RFX8: variants seen among roughly 807,000 people sequenced by gnomAD.
RFX8 encodes DNA-binding protein RFX8.
In RFX8, 46 loss-of-function variants were observed where a neutral mutation model predicts 54.6. The ratio of observed to expected loss-of-function variants is 0.84; its 90% CI spans 0.67 to 1.08. RFX8 has a LOEUF of 1.08. RFX8 is among the 50% of genes least tolerant of loss of function. RFX8 has a pLI of 0.00. For missense variants in RFX8, 536 were observed against 562.3 expected, an observed-to-expected ratio of 0.95 and a Z score of 0.47; for synonymous variants, 192 against 209.5, an observed-to-expected ratio of 0.92 and a Z score of 0.72.
At chr2:101,402,272 A>G (rs1288276838) in intron 11 of RFX8, among the ~76,000 whole-genome samples, 164 bp downstream of exon 11, 3 of 152,260 alleles carry the variant, frequency 2.0e-5, no homozygotes, top group African/African-American at 7.2e-5. Context: ...AGTAATCAAC[A>G]GATAGTGAAT....
intron 2 of RFX8, among the ~76,000 whole-genome samples, chr2:101,424,976 T>A (rs1687093627): frequency 6.6e-6 from 1 of 151,946 alleles, no homozygotes; most frequent in African/African-American, 2.4e-5. Context: ...GTAACAAACC[T>A]GCACGTTGTG....
At chr2:101,426,872 A>AC (rs1247946407) in intron 2 of RFX8, among the ~76,000 whole-genome samples, 4 of 151,958 alleles carry the variant, frequency 2.6e-5, no homozygotes, top group African/African-American at 4.8e-5. Flanking sequence ...CAGAATTATC[A>AC]CCCCCCAAAG....
intron 4 of RFX8, among the ~76,000 whole-genome samples, chr2:101,419,283 G>C (rs1275759808): frequency 6.6e-6 from 1 of 152,140 alleles, no homozygotes; most frequent in African/African-American, 2.4e-5. Flanking sequence ...TGGGCCACAG[G>C]GCACAGCCCA....
At position 101,421,790 on chromosome 2, in the gene RFX8, T is replaced by C; in HGVS notation, c.184-13A>G. 2.6e-6 allele frequency: 4 copies of C among 1,542,522 alleles called. No homozygotes were observed. The highest frequency in any genetic ancestry group is 3.5e-6 in the Non-Finnish European group (4 of 1,140,172). ...CAAGGAAGGCCATCTAGGAAGAATA[T>C]GGAAAATTATTTCAGCATGTGGGCC... is the stretch of plus-strand genomic sequence containing the variant. On this transcript the variant is annotated splice_polypyrimidine_tract_variant and intron_variant, in intron 3 of 11. Coordinates refer to ENST00000428343, the MANE Select transcript of RFX8 (RefSeq NM_001145664.2).
intron 8 of RFX8, among the ~76,000 whole-genome samples, chr2:101,411,496 G>A (rs1267460341): frequency 1.1e-4 from 1 of 9,336 alleles, no homozygotes; most frequent in African/African-American, 2.6e-4. Context: ...AAGGCACCGG[G>A]CGGGGGAGGG....
At chr2:101,437,409 C>CA (rs966596460) in intron 2 of RFX8, among the ~76,000 whole-genome samples, 8 of 151,854 alleles carry the variant, frequency 5.3e-5, no homozygotes, top group Non-Finnish European at 1.0e-4. Context: ...CCTGTCTCTA[C>CA]AAAAAAACAA....
chr2:101,452,332 T>C, intron 2 of RFX8: 2 of 1,018,670 alleles, frequency 2.0e-6, no homozygotes, highest in South Asian at 1.6e-5. Context: ...ATTTTGTGAT[T>C]TTCCAAATCC....
chr2:101,455,095 C>T (rs1218276462), intron 2 of RFX8, among the ~76,000 whole-genome samples: 3 of 150,780 alleles, frequency 2.0e-5, no homozygotes, highest in Non-Finnish European at 4.4e-5. Flanking sequence ...ATTGCTACCT[C>T]CGCCTCCCAG....
At chr2:101,439,055 C>T (rs566845101) in intron 2 of RFX8, among the ~76,000 whole-genome samples, 1 of 152,092 alleles carries the variant, frequency 6.6e-6, no homozygotes, top group Non-Finnish European at 1.5e-5. Flanking sequence ...TCAGGTGATC[C>T]ACCTGCCTCA....
In RFX8 at chr2:101,406,038, T is replaced by C. The variant is rs1573352106; in HGVS notation, c.833A>G (p.Glu278Gly). 6.5e-7 allele frequency: 1 copy of C among 1,544,968 alleles called. No homozygotes were observed. The highest frequency in any genetic ancestry group is 2.5e-5 in the East Asian group (1 of 40,746). The change falls in exon 10 of 12, where the codon GAG (glutamate) becomes GGG (glycine). Residue 278 changes from glutamate to glycine, a missense_variant. Physicochemically the swap from Glu to Gly is moderately conservative, Grantham distance 98 (BLOSUM62 -2). Coordinates refer to ENST00000428343, the MANE Select transcript of RFX8 (RefSeq NM_001145664.2). ...GAAGCTGGCGGCCAATTTGGTAAAC[T>C]CTTCTTTGCTTCTGCTTGTCTGTTA... ...FVFQTSRSKE[E>G]FTKLAASFQL...
chr2:101,414,390 T>G (rs1199334709), intron 7 of RFX8, among the ~76,000 whole-genome samples: 3 of 152,068 alleles, frequency 2.0e-5, no homozygotes, highest in African/African-American at 7.2e-5. Context: ...GCCTGTCTCC[T>G]GAGTAGCTGG....
At chr2:101,448,117 C>T (rs1231913579) in intron 2 of RFX8, among the ~76,000 whole-genome samples, 2 of 152,228 alleles carry the variant, frequency 1.3e-5, no homozygotes, top group African/African-American at 4.8e-5. Flanking sequence ...AAGGCCCCAC[C>T]TCTTAAGATT....
chr2:101,415,620 CGCAT>C (rs1433008905), intron 6 of RFX8, among the ~76,000 whole-genome samples: 1 of 11,196 alleles, frequency 8.9e-5, no homozygotes, highest in African/African-American at 1.7e-4. Context: ...TCCTCTTGAA[CGCAT>C]TCATTCATTT....
intron 2 of RFX8, among the ~76,000 whole-genome samples, chr2:101,432,484 C>T (rs972894051): frequency 4.1e-4 from 62 of 152,142 alleles, no homozygotes; most frequent in African/African-American, 1.4e-3. Flanking sequence ...GGTAGACCAG[C>T]GCTCCACCAG....
chr2:101,427,106 C>A (rs1413703391), intron 2 of RFX8, among the ~76,000 whole-genome samples: 3 of 152,188 alleles, frequency 2.0e-5, no homozygotes, highest in Admixed American at 2.0e-4. Context: ...AAAATGAACA[C>A]CCTCCTAAGA....
intron 2 of RFX8, among the ~76,000 whole-genome samples, chr2:101,465,322 T>C (rs1689512323): frequency 6.6e-6 from 1 of 152,022 alleles, no homozygotes; most frequent in African/African-American, 2.4e-5. Flanking sequence ...CTGGCCAACA[T>C]AGTGAAACCC....
chr2:101,445,229 T>G (rs1397566738), intron 2 of RFX8, among the ~76,000 whole-genome samples: 1 of 152,176 alleles, frequency 6.6e-6, no homozygotes, highest in East Asian at 1.9e-4. Context: ...TTCTTGCTCC[T>G]TGAACTAATC....
rs190211945 is a variant in RFX8, at chr2:101,433,020, G to C, written c.73-10548C>G. ...GTTAGGATTTAATAACCACTGGAGG[G>C]AAGGGCGGGGTCAGCTGGGGATGGA... On this transcript the variant is annotated intron_variant, in intron 2 of 11. Coordinates refer to ENST00000428343, the MANE Select transcript of RFX8 (RefSeq NM_001145664.2). Among the ~76,000 whole-genome samples, 472 of 152,226 alleles carry C rather than the reference G, an allele frequency of 3.1e-3. 4 individuals carry two copies. Among genetic ancestry groups the C allele is most frequent in the African/African-American group, 9.8e-3 (405 of 41,530 alleles).
At chr2:101,440,710 T>A (rs899213917) in intron 2 of RFX8, among the ~76,000 whole-genome samples, 5 of 152,222 alleles carry the variant, frequency 3.3e-5, no homozygotes, top group Non-Finnish European at 4.4e-5. Context: ...TGCTAAGTCC[T>A]GTGAGTCCTT....
Sources: allele counts gnomAD v4.1 joint callset (sites outside exome capture counted in the v4.1 genomes callset), GRCh38; gene constraint gnomAD v4.1.1; transcripts MANE v1.5; gene names NCBI Gene and HGNC (gene_info 2026-07-23, HGNC 2026-07-21).